The following FOXO3 variants were observed in gnomAD, a reference collection of about 807,000 sequenced individuals.
FOXO3 encodes forkhead box protein O3.
FOXO3 carries 4 observed loss-of-function variants against 41.9 expected under a neutral mutation model. That is an observed-to-expected ratio of 0.10 (90% CI 0.05 to 0.22). The LOEUF (loss-of-function observed/expected upper bound fraction) is 0.22. Among genes scored for constraint, FOXO3 ranks in the 10% least tolerant of loss-of-function variants. The probability of loss-of-function intolerance (pLI) is 1.00; values close to 1 mark genes in which losing one functional copy is unlikely to be tolerated. For synonymous variants in FOXO3, 318 were observed against 389.3 expected, an observed-to-expected ratio of 0.82 and a Z score of 2.16; for missense variants, 534 against 906.8, an observed-to-expected ratio of 0.59 and a Z score of 5.28.
intron 1 of FOXO3, among the ~76,000 whole-genome samples, chr6:108,603,280 A>C (rs1438176745): frequency 6.6e-6 from 1 of 152,200 alleles, no homozygotes; most frequent in Non-Finnish European, 1.5e-5. Context: ...GAAGGATCCC[A>C]TTCTTACAAA....
chr6:108,605,657 G>T (rs1777179784), intron 1 of FOXO3, among the ~76,000 whole-genome samples: 1 of 152,196 alleles, frequency 6.6e-6, no homozygotes, highest in African/African-American at 2.4e-5. Flanking sequence ...GTTCAGGGAT[G>T]ATTAGAATTA....
At chr6:108,573,431 T>C (rs1406540124) in intron 1 of FOXO3, among the ~76,000 whole-genome samples, 1 of 152,192 alleles carries the variant, frequency 6.6e-6, no homozygotes, top group African/African-American at 2.4e-5. Context: ...ATCTTCAGAG[T>C]TGTGCTGACT....
chr6:108,574,021 CACA>C (rs1454178601), intron 1 of FOXO3, among the ~76,000 whole-genome samples: 2 of 151,942 alleles, frequency 1.3e-5, no homozygotes, highest in South Asian at 2.1e-4. Context: ...GGCGTGGTGG[CACA>C]TGCCTGTAAT....
At chr6:108,602,931 A>G (rs1436323662) in intron 1 of FOXO3, among the ~76,000 whole-genome samples, 1 of 152,166 alleles carries the variant, frequency 6.6e-6, no homozygotes, top group East Asian at 1.9e-4. Context: ...CTAGGCAGTA[A>G]CTTTGAAAGG....
At chr6:108,656,042 C>T (rs1412771657) in intron 1 of FOXO3, among the ~76,000 whole-genome samples, 2 of 151,928 alleles carry the variant, frequency 1.3e-5, no homozygotes, top group Non-Finnish European at 2.9e-5. Flanking sequence ...CTGCAGTCGG[C>T]CTGGTGGGAA....
chr6:108,653,499 G>C (rs184995332), intron 1 of FOXO3, among the ~76,000 whole-genome samples: 1 of 152,126 alleles, frequency 6.6e-6, no homozygotes. Flanking sequence ...TGACACTTAG[G>C]AGCTGATTGG....
intron 1 of FOXO3, among the ~76,000 whole-genome samples, chr6:108,644,562 C>T (rs896395218): frequency 3.3e-5 from 5 of 152,170 alleles, no homozygotes; most frequent in Non-Finnish European, 5.9e-5. Flanking sequence ...CCACACTCCC[C>T]TCCTGTCTGG....
chr6:108,631,053 T>C (rs1777960211), intron 1 of FOXO3, among the ~76,000 whole-genome samples: 1 of 152,242 alleles, frequency 6.6e-6, no homozygotes, highest in Non-Finnish European at 1.5e-5. Context: ...TTCTAAAATG[T>C]ATTAAATTAT....
chr6:108,616,306 A>G (rs1363661959), intron 1 of FOXO3, among the ~76,000 whole-genome samples: 1 of 151,778 alleles, frequency 6.6e-6, no homozygotes, highest in East Asian at 1.9e-4. Context: ...CTGGGACTAC[A>G]GGCACCCACC....
At chr6:108,573,892 G>A (rs1224977692) in intron 1 of FOXO3, among the ~76,000 whole-genome samples, 3 of 152,104 alleles carry the variant, frequency 2.0e-5, no homozygotes, top group East Asian at 1.9e-4. Flanking sequence ...GGCGGCTCAC[G>A]CCTGTAATCC....
chr6:108,612,674 C>G (rs1475888238), intron 1 of FOXO3, among the ~76,000 whole-genome samples: 3 of 151,076 alleles, frequency 2.0e-5, no homozygotes, highest in Non-Finnish European at 2.9e-5. Context: ...TAGCGAAACT[C>G]TGTCTCAAAA....
chr6:108,594,672 G>A (rs1776827188), intron 1 of FOXO3, among the ~76,000 whole-genome samples: 2 of 152,196 alleles, frequency 1.3e-5, no homozygotes, highest in Admixed American at 1.3e-4. Context: ...CTTGCAGGGA[G>A]TGGCCCTGGT....
Position 108,569,211 on chromosome 6 carries a change from A to G in FOXO3, c.621+7382A>G, listed in dbSNP as rs147784548. On this transcript the variant is annotated intron_variant, in intron 1 of 2. Transcript: ENST00000406360. ...TAGCAGACAGTCTTTGAGATGAACT[A>G]TTTCAAGGACCAGTCTGCAGTTCTT... Among the ~76,000 whole-genome samples, 153 of 152,332 alleles carry G rather than the reference A, an allele frequency of 1.0e-3. 1 individual carries two copies. The Middle Eastern group carries it at 0.01, about 10-fold the overall frequency.
intron 1 of FOXO3, among the ~76,000 whole-genome samples, chr6:108,589,745 T>A (rs1455035347): frequency 6.6e-6 from 1 of 152,208 alleles, no homozygotes; most frequent in East Asian, 1.9e-4. Flanking sequence ...CAGATCCTTA[T>A]GGGAAATTTA....
chr6:108,592,807 GTC>G (rs1388013102), intron 1 of FOXO3, among the ~76,000 whole-genome samples: 1 of 152,212 alleles, frequency 6.6e-6, no homozygotes, highest in Admixed American at 6.5e-5. Context: ...TGGTTTCAGA[GTC>G]TCTGAGAAGC....
At chr6:108,624,034 G>A (rs1230391215) in intron 1 of FOXO3, among the ~76,000 whole-genome samples, 1 of 152,188 alleles carries the variant, frequency 6.6e-6, no homozygotes, top group Non-Finnish European at 1.5e-5. Context: ...TATAAACTGT[G>A]TCAGGAATAT....
chr6:108,562,817 C>G (rs1181146035), intron 1 of FOXO3, among the ~76,000 whole-genome samples: 1 of 152,162 alleles, frequency 6.6e-6, no homozygotes, highest in Non-Finnish European at 1.5e-5. Flanking sequence ...GTTGGGTATC[C>G]AAAGAGATTA....
intron 1 of FOXO3, among the ~76,000 whole-genome samples, chr6:108,613,873 A>G (rs1777425656): frequency 6.6e-6 from 1 of 152,178 alleles, no homozygotes; most frequent in Admixed American, 6.5e-5. Flanking sequence ...TGAAAGCTAT[A>G]CATTCCTTGC....
chr6:108,598,547 A>G (rs1270796022), intron 1 of FOXO3, among the ~76,000 whole-genome samples: 1 of 152,200 alleles, frequency 6.6e-6, no homozygotes, highest in Non-Finnish European at 1.5e-5. Context: ...GGGAAAAAAA[A>G]TCTAGAGCTT....
Sources: gnomAD v4.1 joint callset for allele counts (sites outside exome capture counted in the v4.1 genomes callset) on GRCh38, gnomAD v4.1.1 for gene constraint, MANE v1.5 for transcripts, NCBI Gene and HGNC (gene_info 2026-07-23, HGNC 2026-07-21) for gene names.